Variants in LINGO2 observed in about 807,000 individuals in gnomAD.
The protein encoded by LINGO2 is leucine-rich repeat and immunoglobulin-like domain-containing nogo receptor-interacting protein 2.
A neutral mutation model predicts 30.6 loss-of-function variants in LINGO2; 14 were observed. The observed-to-expected ratio is 0.46, with a 90% confidence interval of 0.30 to 0.72. LINGO2 has a LOEUF of 0.72. Among genes scored for constraint, LINGO2 ranks in the 30% least tolerant of loss-of-function variants. The pLI is 0.07. For missense variants in LINGO2, 729 were observed against 751.7 expected (o/e 0.97, Z 0.35); for synonymous variants, 317 against 288.5 (o/e 1.10, Z -1.00).
At chr9:29,000,857 C>T in the LINGO2 span, among the ~76,000 whole-genome samples, 2 of 151,962 alleles carry the variant, frequency 1.3e-5, no homozygotes, top group Admixed American at 6.6e-5. Flanking sequence ...GGACATATAC[C>T]GTGTTCCATG....
At chr9:28,719,894 C>A in the LINGO2 span, among the ~76,000 whole-genome samples, 1 of 151,986 alleles carries the variant, frequency 6.6e-6, no homozygotes, top group African/African-American at 2.4e-5. Context: ...ATGTAAATTG[C>A]ATGAACTCAA....
chr9:28,153,613 G>T (rs1052878794), intron 4 of LINGO2, among the ~76,000 whole-genome samples: 1 of 152,010 alleles, frequency 6.6e-6, no homozygotes, highest in Non-Finnish European at 1.5e-5. Context: ...TGATTCCAGT[G>T]GTCTTTACTT....
At chr9:28,445,827 C>T (rs1356229190) in intron 2 of LINGO2, among the ~76,000 whole-genome samples, 2 of 152,076 alleles carry the variant, frequency 1.3e-5, no homozygotes, top group African/African-American at 2.4e-5. Context: ...GCTATAATTC[C>T]TTTTGTGATT....
chr9:29,062,374 G>T, the LINGO2 span, among the ~76,000 whole-genome samples: 11 of 152,090 alleles, frequency 7.2e-5, no homozygotes, highest in Admixed American at 4.6e-4. Flanking sequence ...GCTTCAAAGA[G>T]ATATTTGCAC....
chr9:28,063,958 C>A (rs894113394), intron 4 of LINGO2, among the ~76,000 whole-genome samples: 1 of 152,142 alleles, frequency 6.6e-6, no homozygotes, highest in African/African-American at 2.4e-5. Context: ...CTCAGTCACA[C>A]CTCAATACAT....
intron 4 of LINGO2, among the ~76,000 whole-genome samples, chr9:28,230,191 A>G (rs1821308173): frequency 6.6e-6 from 1 of 151,850 alleles, no homozygotes; most frequent in African/African-American, 2.4e-5. Context: ...GAAAGGATAA[A>G]AAATACTATA....
chr9:28,122,962 T>G (rs999217335), intron 4 of LINGO2, among the ~76,000 whole-genome samples: 1 of 152,250 alleles, frequency 6.6e-6, no homozygotes, highest in Non-Finnish European at 1.5e-5. Context: ...ATTTATGATA[T>G]CTAAATTGTC....
intron 1 of LINGO2, among the ~76,000 whole-genome samples, chr9:28,566,225 A>G (rs1318788663): frequency 2.0e-5 from 3 of 152,120 alleles, no homozygotes; most frequent in African/African-American, 7.2e-5. Flanking sequence ...TAAATGGTGG[A>G]GGAGGATCTT....
At chr9:28,364,026 A>C (rs1039310702) in intron 3 of LINGO2, among the ~76,000 whole-genome samples, 3 of 152,130 alleles carry the variant, frequency 2.0e-5, no homozygotes, top group Non-Finnish European at 4.4e-5. Flanking sequence ...TTTTGGGTAA[A>C]GATGGCTGTT....
the LINGO2 span, among the ~76,000 whole-genome samples, chr9:29,079,212 T>C: frequency 6.6e-6 from 1 of 151,962 alleles, no homozygotes; most frequent in Non-Finnish European, 1.5e-5. Context: ...ATAAATTCTT[T>C]CTCACCTTGT....
intron 3 of LINGO2, among the ~76,000 whole-genome samples, chr9:28,338,608 C>G (rs1215760997): frequency 1.3e-5 from 2 of 152,136 alleles, no homozygotes; most frequent in South Asian, 4.2e-4. Flanking sequence ...GTGGGAGGGA[C>G]CAGTGGAAGG....
At chr9:28,047,813 A>G (rs555075581) in intron 4 of LINGO2, among the ~76,000 whole-genome samples, 1 of 151,010 alleles carries the variant, frequency 6.6e-6, no homozygotes, top group South Asian at 2.1e-4. Flanking sequence ...TTTTTTTTAC[A>G]GAAACCTATA....
chr9:29,191,540 G>A, the LINGO2 span, among the ~76,000 whole-genome samples: 4 of 151,722 alleles, frequency 2.6e-5, no homozygotes, highest in African/African-American at 7.2e-5. Context: ...TGTTGATCTG[G>A]GTGCTAATTA....
chr9:28,596,911 G>C (rs1377844871), intron 1 of LINGO2, among the ~76,000 whole-genome samples: 1 of 152,120 alleles, frequency 6.6e-6, no homozygotes, highest in African/African-American at 2.4e-5. Flanking sequence ...AAACAAGCCA[G>C]GCTCCAGTGC....
chr9:28,337,389 T>G (rs572577476), intron 3 of LINGO2, among the ~76,000 whole-genome samples: 1 of 152,166 alleles, frequency 6.6e-6, no homozygotes, highest in East Asian at 1.9e-4. Context: ...CATGAAAGTT[T>G]GGAAAATCTG....
chr9:27,989,813 A>AAG (rs1821306564), intron 5 of LINGO2, among the ~76,000 whole-genome samples: 1 of 152,048 alleles, frequency 6.6e-6, no homozygotes, highest in African/African-American at 2.4e-5. Context: ...CTTAATGATG[A>AAG]AGTTCATGCA....
intron 5 of LINGO2, among the ~76,000 whole-genome samples, chr9:27,955,067 C>G (rs1055016404): frequency 2.0e-5 from 3 of 152,012 alleles, no homozygotes; most frequent in African/African-American, 7.2e-5. Context: ...TGAGAAATGT[C>G]TACTGATGTC....
intron 2 of LINGO2, among the ~76,000 whole-genome samples, chr9:28,463,407 A>G (rs1035071058): frequency 6.6e-6 from 1 of 152,064 alleles, no homozygotes; most frequent in South Asian, 2.1e-4. Context: ...AAGAAAGAAA[A>G]ATGGGATGAA....
At chr9:27,999,089 T>A (rs1057334483) in intron 5 of LINGO2, among the ~76,000 whole-genome samples, 1 of 151,816 alleles carries the variant, frequency 6.6e-6, no homozygotes, top group Non-Finnish European at 1.5e-5. Flanking sequence ...TTATAGACCC[T>A]AAACTAAAAT....
Sources: allele counts gnomAD v4.1 joint callset (sites outside exome capture counted in the v4.1 genomes callset), GRCh38; gene constraint gnomAD v4.1.1; transcripts MANE v1.5; gene names NCBI Gene and HGNC (gene_info 2026-07-23, HGNC 2026-07-21).